Variants in CTNND2 observed in about 807,000 individuals in gnomAD.
CTNND2 encodes the protein catenin delta-2.
Under a neutral mutation model 144.4 loss-of-function variants are expected in CTNND2, and 22 were observed. The ratio of observed to expected loss-of-function variants is 0.15; its 90% CI spans 0.11 to 0.22. CTNND2 has a LOEUF of 0.22. CTNND2 is among the 10% of genes least tolerant of loss of function. The probability of loss-of-function intolerance (pLI) is 1.00; values close to 1 mark genes in which losing one functional copy is unlikely to be tolerated. For missense variants in CTNND2, 1,353 were observed against 1,618.8 expected (o/e 0.84, Z 2.82); for synonymous variants, 751 against 695.6 (o/e 1.08, Z -1.25).
At chr5:11,454,203 C>T (rs1216431382) in intron 3 of CTNND2, among the ~76,000 whole-genome samples, 2 of 152,140 alleles carry the variant, frequency 1.3e-5, no homozygotes, top group African/African-American at 2.4e-5. Flanking sequence ...GGGCGAGTTA[C>T]GAGGTCTAGA....
chr5:11,033,652 A>C (rs1431032995), intron 16 of CTNND2, among the ~76,000 whole-genome samples: 1 of 152,132 alleles, frequency 6.6e-6, no homozygotes, highest in Admixed American at 6.5e-5. Context: ...AACATGGTGA[A>C]ACCCTGTCTC....
Position 10,973,537 on chromosome 5 carries a change from A to G in CTNND2, c.3594T>C (p.Val1198=). 6.2e-7 allele frequency: 1 copy of G among 1,614,058 alleles called. No homozygotes were observed. The highest frequency in any genetic ancestry group is 8.5e-7 in the Non-Finnish European group (1 of 1,179,972). The change falls in exon 22 of 22, where the codon GTT becomes GTC. Residue 1198 remains valine (V), a synonymous_variant. Transcript: ENST00000304623. This position sits in a 1 kb window ranked among gnomAD's most constrained non-coding sequence, Gnocchi z 5.6. ...AGGGACGGGCAGCTGAGTAGAAGTCAACGTAGTTGCCGGTGGACTTGAGAC... is the reference window on the plus strand; with the variant it reads ...AGGGACGGGCAGCTGAGTAGAAGTCGACGTAGTTGCCGGTGGACTTGAGAC... ...HLGLKSTGNY[V]DFYSAARPYS... is the part of the protein sequence containing the mutation.
intron 1 of CTNND2, among the ~76,000 whole-genome samples, chr5:11,880,687 TGCTACTAGTACTACC>T (rs1736005730): frequency 1.3e-5 from 1 of 79,012 alleles, no homozygotes; most frequent in African/African-American, 5.0e-5. Context: ...CCACTACTAC[TGCTACTAGTACTACC>T]ACTACTACCA....
intron 16 of CTNND2, among the ~76,000 whole-genome samples, chr5:11,069,616 G>T (rs1228406255): frequency 1.3e-5 from 2 of 151,808 alleles, no homozygotes; most frequent in African/African-American, 2.4e-5. Flanking sequence ...AAAGCTGGCA[G>T]CTGAGCTTCA....
At chr5:11,155,148 C>T (rs551939985) in intron 12 of CTNND2, among the ~76,000 whole-genome samples, 1 of 152,300 alleles carries the variant, frequency 6.6e-6, no homozygotes, top group African/African-American at 2.4e-5. Flanking sequence ...GCTCAATGTT[C>T]CCTGGTTAGC....
chr5:11,783,057 C>G (rs1361834670), intron 1 of CTNND2, among the ~76,000 whole-genome samples: 2 of 151,928 alleles, frequency 1.3e-5, no homozygotes, highest in African/African-American at 2.4e-5. Flanking sequence ...ACCGGGGCTG[C>G]CTTTGGTCAA....
chr5:11,542,817 G>A (rs575768590), intron 3 of CTNND2, among the ~76,000 whole-genome samples: 23 of 152,236 alleles, frequency 1.5e-4, no homozygotes, highest in Middle Eastern at 6.8e-3. Context: ...TCTGCTTTAC[G>A]TGGGTCCCCC....
Position 11,545,225 on chromosome 5 carries a change from G to C in CTNND2, c.287+19719C>G, listed in dbSNP as rs568374958. 7.2e-5 allele frequency among the ~76,000 whole-genome samples: 11 copies of C among 151,984 alleles called. No individual in the cohort carries two copies. The South Asian group carries it at 2.3e-3, about 32-fold the overall frequency. On this transcript the variant is annotated intron_variant, in intron 3 of 21. Transcript: ENST00000304623. Reference sequence around the variant, plus strand: ...TAATCCCAGCTACTAGGAGGGCTGTGGAAGGAGAATCGCTTGAACCTGGAA... The same window carrying C: ...TAATCCCAGCTACTAGGAGGGCTGTCGAAGGAGAATCGCTTGAACCTGGAA...
intron 2 of CTNND2, among the ~76,000 whole-genome samples, chr5:11,642,582 T>C (rs1047729111): frequency 1.3e-5 from 2 of 151,838 alleles, no homozygotes; most frequent in Admixed American, 1.3e-4. Flanking sequence ...TCAAAGTGAG[T>C]TGAGGGTGGG....
At chr5:10,985,242 G>A (rs1333227866) in intron 20 of CTNND2, among the ~76,000 whole-genome samples, 1 of 152,204 alleles carries the variant, frequency 6.6e-6, no homozygotes, top group Non-Finnish European at 1.5e-5. Context: ...TGGAGCTGCT[G>A]GGATGCTGCA....
At position 11,573,776 on chromosome 5, in the gene CTNND2, C is replaced by T. The variant is rs545635383; in HGVS notation, c.175-8720G>A. Among the ~76,000 whole-genome samples, 13 of 152,276 alleles carry T rather than the reference C, an allele frequency of 8.5e-5. No individual in the cohort carries two copies. The South Asian group carries it at 2.3e-3, about 27-fold the overall frequency. On this transcript the variant is annotated intron_variant, in intron 2 of 21. Coordinates refer to ENST00000304623, the MANE Select transcript of CTNND2 (RefSeq NM_001332.4). ...GAATCATAAGCACCTTTCCAGAACA[C>T]ATTCAATAAAATAAAAATATAACGA...
At chr5:11,433,149 G>C (rs1283465953) in intron 3 of CTNND2, among the ~76,000 whole-genome samples, 1 of 151,752 alleles carries the variant, frequency 6.6e-6, no homozygotes, top group African/African-American at 2.4e-5. Context: ...GGGAGGCTGA[G>C]GCAGGAGAAT....
intron 1 of CTNND2, among the ~76,000 whole-genome samples, chr5:11,850,951 C>T (rs1157346324): frequency 1.3e-5 from 2 of 152,176 alleles, no homozygotes; most frequent in Non-Finnish European, 2.9e-5. Flanking sequence ...TTAATAGTTA[C>T]AATCAGCTAA....
chr5:11,350,888 G>T (rs1266489311), intron 8 of CTNND2, among the ~76,000 whole-genome samples: 4 of 152,056 alleles, frequency 2.6e-5, no homozygotes, highest in Admixed American at 2.6e-4. Context: ...AATCATTAAA[G>T]ATCTAATATG....
chr5:11,249,372 T>C (rs1743337294), intron 9 of CTNND2, among the ~76,000 whole-genome samples: 1 of 152,198 alleles, frequency 6.6e-6, no homozygotes, highest in African/African-American at 2.4e-5. Flanking sequence ...AAGAGGGCGT[T>C]GAATAGACTG....
chr5:11,568,791 T>C (rs1777329931), intron 2 of CTNND2, among the ~76,000 whole-genome samples: 1 of 152,210 alleles, frequency 6.6e-6, no homozygotes, highest in Admixed American at 6.5e-5. Flanking sequence ...ATGAATAAGC[T>C]GCTGAGTTTC....
intron 1 of CTNND2, among the ~76,000 whole-genome samples, chr5:11,823,641 T>C (rs1206425449): frequency 6.6e-6 from 1 of 152,202 alleles, no homozygotes; most frequent in Non-Finnish European, 1.5e-5. Flanking sequence ...TATAAGGCAA[T>C]GTTCTCACAT....
rs762887477 is a variant in CTNND2 at position 11,216,520 on chromosome 5, C to T, written c.1762-16859G>A. Among the ~76,000 whole-genome samples, 6 of 152,172 alleles carry T rather than the reference C, an allele frequency of 3.9e-5. No individual in the cohort carries two copies. The East Asian group carries it at 9.6e-4, about 24-fold the overall frequency. ...CCATAGACCAAGGAATGCAAGAAGC[C>T]TCTAGAAGCTGGAAAATGAGAGAAA... On this transcript the variant is annotated intron_variant, in intron 10 of 21. Transcript: ENST00000304623.
intron 3 of CTNND2, among the ~76,000 whole-genome samples, chr5:11,527,920 C>T (rs1239813972): frequency 6.6e-6 from 1 of 152,134 alleles, no homozygotes; most frequent in Non-Finnish European, 1.5e-5. Flanking sequence ...GGGTACGGCG[C>T]TGCATTAAGG....
Sources: gnomAD v4.1 joint callset for allele counts (sites outside exome capture counted in the v4.1 genomes callset) on GRCh38, gnomAD v4.1.1 for gene constraint, Gnocchi (gnomAD v3.1) non-coding constraint, MANE v1.5 for transcripts, NCBI Gene and HGNC (gene_info 2026-07-23, HGNC 2026-07-21) for gene names.